Variants in GET4 observed in about 807,000 individuals in gnomAD.
GET4 encodes the protein Golgi to ER traffic protein 4 homolog.
A neutral mutation model predicts 40.0 loss-of-function variants in GET4; 20 were observed. That is an observed-to-expected ratio of 0.50 (90% CI 0.35 to 0.73). GET4 has a LOEUF of 0.73. Among genes scored for constraint, GET4 ranks in the 30% least tolerant of loss-of-function variants. The pLI is 0.01. For missense variants in GET4, 557 were observed against 454.0 expected (o/e 1.23, Z -2.06); for synonymous variants, 280 against 194.6 (o/e 1.44, Z -3.65).
At chr7:882,595 G>A (rs1486581635) in intron 1 of GET4, 2 of 150,838 alleles carry the variant, frequency 1.3e-5, no homozygotes, top group African/African-American at 5.1e-5. Context: ...CGCGGGTTGT[G>A]GGCGGCCGAC....
chr7:893,304 G>A (rs1172175963), intron 6 of GET4, among the ~76,000 whole-genome samples: 4 of 126,178 alleles, frequency 3.2e-5, no homozygotes, highest in African/African-American at 9.0e-5. Flanking sequence ...GCGCGGGCGC[G>A]GTGGTGTGTG....
chr7:890,824 G>T, intron 4 of GET4, 104 bp from the exon 5 acceptor site: 1 of 925,618 alleles, frequency 1.1e-6, no homozygotes, highest in East Asian at 2.5e-5. Context: ...CTCTCCTCCA[G>T]GGCGGGCAGG....
intron 8 of GET4, 148 bp from the exon 9 acceptor site, chr7:895,186 G>A (rs962969285): frequency 4.1e-6 from 2 of 483,180 alleles, no homozygotes; most frequent in Non-Finnish European, 3.8e-6. Context: ...CTGTCCCGGG[G>A]TTCCTGGGTC....
intron 1 of GET4, among the ~76,000 whole-genome samples, chr7:877,412 C>T (rs1357067727): frequency 8.5e-6 from 1 of 117,738 alleles, no homozygotes; most frequent in Non-Finnish European, 1.8e-5. Flanking sequence ...CCGTCTCTCT[C>T]TCCCCGGCCT....
intron 8 of GET4, among the ~76,000 whole-genome samples, 190 bp from the exon 9 acceptor site, chr7:895,142 CTG>C (rs1657022492): frequency 6.6e-6 from 1 of 151,636 alleles, no homozygotes; most frequent in African/African-American, 2.4e-5. Flanking sequence ...TTGAGTATCT[CTG>C]TGGTCGTCGG....
chr7:886,731 G>T (rs113923013), intron 3 of GET4, 81 bp downstream of exon 3: 1 of 932,136 alleles, frequency 1.1e-6, no homozygotes, highest in Non-Finnish European at 1.8e-6. Flanking sequence ...GCTGTGTTTC[G>T]TGTCTGCGTT....
At chr7:893,115 G>A (rs991019692) in intron 6 of GET4, among the ~76,000 whole-genome samples, 1 of 142,288 alleles carries the variant, frequency 7.0e-6, no homozygotes, top group Non-Finnish European at 1.6e-5. Flanking sequence ...GTGCAGGCAA[G>A]TGTTGGGTGT....
chr7:887,048 T>C (rs576963759), intron 3 of GET4: 1 of 579,164 alleles, frequency 1.7e-6, no homozygotes, highest in Non-Finnish European at 3.3e-6. Flanking sequence ...TAGTCCCTGC[T>C]GCTCTGGGAG....
At chr7:882,205 G>C (rs1318682498) in intron 1 of GET4, 4 of 152,188 alleles carry the variant, frequency 2.6e-5, no homozygotes. Flanking sequence ...GGGGTTGCTG[G>C]GTCGAACGGT....
rs1844463253 is a variant in GET4, at chr7:895,555, C to CT, written c.*134dup. On this transcript the variant is annotated 3_prime_UTR_variant, in exon 9 of 9. Coordinates refer to ENST00000265857, the MANE Select transcript of GET4 (RefSeq NM_015949.3). The stretch of plus-strand genomic sequence containing the variant: ...GCGGTGGCCGCATGCCGGCGCGTGT[C>CT]TGTTTCTGTGCGGCGGCTCAGGGTG... The CT allele has an allele frequency of 1.9e-6, 1 of 535,620 alleles. No individual in the cohort carries two copies. Among genetic ancestry groups the CT allele is most frequent in the Non-Finnish European group, 3.4e-6 (1 of 295,620 alleles). The allele number at this position is 535,620 out of a possible 1,614,324, so 33.2% of individuals were successfully genotyped here. A position where few individuals can be genotyped will look rare whatever the true frequency, so the allele number is the denominator to read the frequency against.
chr7:894,248 C>T (rs908023438), intron 8 of GET4, among the ~76,000 whole-genome samples: 2 of 152,304 alleles, frequency 1.3e-5, no homozygotes, highest in East Asian at 3.9e-4. Context: ...TGGCTGCGTG[C>T]TCCCCCGTCT....
At chr7:876,961 C>T (rs1451475364) in intron 1 of GET4, among the ~76,000 whole-genome samples, 161 bp downstream of exon 1, 3 of 151,710 alleles carry the variant, frequency 2.0e-5, no homozygotes, top group African/African-American at 7.3e-5. Context: ...GTCTGGGCCG[C>T]GTCTCCGGGG....
chr7:881,216 T>C (rs1844079029), intron 1 of GET4: 1 of 152,226 alleles, frequency 6.6e-6, no homozygotes. Context: ...CACATTTACA[T>C]TTAAATATTT....
chr7:891,163 C>T, intron 5 of GET4, 97 bp downstream of exon 5: 4 of 946,766 alleles, frequency 4.2e-6, no homozygotes, highest in East Asian at 5.2e-5. Context: ...AGCCGAGCTG[C>T]AGGATAAACT....
At chr7:892,633 G>A (rs369647866) in intron 6 of GET4, among the ~76,000 whole-genome samples, 266 of 51,620 alleles carry the variant, frequency 5.2e-3, no homozygotes, top group Middle Eastern at 0.02. Flanking sequence ...GTAGCTGTGT[G>A]GGTGTATGTG....
chr7:888,700 C>T (rs578233996), intron 4 of GET4, among the ~76,000 whole-genome samples: 67 of 152,258 alleles, frequency 4.4e-4, no homozygotes, highest in Non-Finnish European at 6.8e-4. Flanking sequence ...CTGGAGCATA[C>T]CTGCTGCCGC....
rs550351705 is a variant in GET4, at chr7:895,532, G to A, written c.*110G>A. 4.4e-5 allele frequency: 25 copies of A among 573,334 alleles called. No individual in the cohort carries two copies. Among genetic ancestry groups the A allele is most frequent in the African/African-American group, 7.7e-5 (4 of 52,110 alleles). 35.5% of individuals were successfully genotyped at this position (573,334 alleles called of 1,614,324 possible). On this transcript the variant is annotated 3_prime_UTR_variant, in exon 9 of 9. Transcript: ENST00000265857. ...GGGGGCTCCTGGCCCTGAGGCTGGCGGTGGCCGCATGCCGGCGCGTGTCTG... is the reference window on the plus strand; with the variant it reads ...GGGGGCTCCTGGCCCTGAGGCTGGCAGTGGCCGCATGCCGGCGCGTGTCTG...
chr7:883,400 C>T (rs970218093), intron 1 of GET4: 10 of 552,808 alleles, frequency 1.8e-5, no homozygotes, highest in Non-Finnish European at 2.3e-5. Context: ...CCCATGAGCT[C>T]GGTCTTTCTT....
At position 895,799 on chromosome 7, in the gene GET4, C is replaced by T. The variant is rs558620621; in HGVS notation, c.*377C>T. ...CACATCACGCTCCTTGCCGGGCGTC[C>T]GGCACAGCTGCGGTCACCAAAGCAG... On this transcript the variant is annotated 3_prime_UTR_variant, in exon 9 of 9. Coordinates refer to ENST00000265857, the MANE Select transcript of GET4 (RefSeq NM_015949.3). The T allele has an allele frequency of 1.2e-4, 19 of 160,056 alleles. No homozygotes were observed. Among genetic ancestry groups the T allele is most frequent in the African/African-American group, 3.3e-4 (14 of 41,884 alleles). 9.9% of individuals were successfully genotyped at this position (160,056 alleles called of 1,614,324 possible). A position where few individuals can be genotyped will look rare whatever the true frequency, so the allele number is the denominator to read the frequency against.
Sources: allele counts gnomAD v4.1 joint callset (sites outside exome capture counted in the v4.1 genomes callset), GRCh38; gene constraint gnomAD v4.1.1; transcripts MANE v1.5; gene names NCBI Gene and HGNC (gene_info 2026-07-23, HGNC 2026-07-21).